IFRD1: variants seen among roughly 807,000 people sequenced by gnomAD.
The protein encoded by IFRD1 is interferon-related developmental regulator 1.
IFRD1 carries 35 observed loss-of-function variants against 52.9 expected under a neutral mutation model. The observed-to-expected ratio is 0.66, with a 90% CI of 0.51 to 0.88. The LOEUF (loss-of-function observed/expected upper bound fraction) is 0.88. Ranked by LOEUF, IFRD1 falls within the 40% of genes least tolerant of loss-of-function variation. The probability of loss-of-function intolerance (pLI) is 0.00; values close to 1 mark genes in which losing one functional copy is unlikely to be tolerated. For synonymous variants in IFRD1, 184 were observed against 188.4 expected, an observed-to-expected ratio of 0.98 and a Z score of 0.19; for missense variants, 517 against 550.8, an observed-to-expected ratio of 0.94 and a Z score of 0.61.
intron 1 of IFRD1, among the ~76,000 whole-genome samples, chr7:112,454,491 C>T (rs1425048818): frequency 6.6e-6 from 1 of 152,024 alleles, no homozygotes; most frequent in Non-Finnish European, 1.5e-5. Flanking sequence ...CCGCACCCGG[C>T]CAGCATTGGT....
Position 112,468,003 on chromosome 7 carries a change from A to C in IFRD1, c.929A>C (p.Glu310Ala). 5 of 1,614,084 alleles carry C rather than the reference A, an allele frequency of 3.1e-6. No individual in the cohort carries two copies. Among genetic ancestry groups the C allele is most frequent in the Non-Finnish European group, 4.2e-6 (5 of 1,179,954 alleles). ...CAGGACTTTTTTTATGAAGACATGG[A>C]GTCCTTGACGCAGATGCTTAGGGCC... is the stretch of plus-strand genomic sequence containing the variant. The part of the protein sequence containing the change: ...IESDFFYEDM[E>A]SLTQMLRALA... Residue 310 changes from glutamate (E) to alanine (A), a missense_variant, in exon 9 of 12, where the codon GAG becomes GCG. Physicochemically the swap from Glu to Ala is moderately radical, Grantham distance 107. Coordinates refer to ENST00000403825, the MANE Select transcript of IFRD1 (RefSeq NM_001550.4).
Position 112,456,995 on chromosome 7 carries a change from G to A in IFRD1, c.366G>A (p.Arg122=), listed in dbSNP as rs2117297364. The A allele has an allele frequency of 1.2e-6, 2 of 1,613,916 alleles. No individual in the cohort carries two copies. The highest frequency in any genetic ancestry group is 2.7e-5 in the African/African-American group (2 of 75,038). The part of the protein sequence containing the change: ...SKMLYEFILE[R]RMTLTDSIER... ...TGCTGTATGAATTTATTCTGGAAAG[G>A]AGAATGACTTTAACTGATAGCATTG... The change falls in exon 4 of 12, where the codon AGG becomes AGA. Residue 122 remains arginine (R), a synonymous_variant. Coordinates refer to ENST00000403825, the MANE Select transcript of IFRD1 (RefSeq NM_001550.4).
At chr7:112,450,962 T>G in intron 1 of IFRD1, 180 bp downstream of exon 1, 1 of 642,334 alleles carries the variant, frequency 1.6e-6, no homozygotes, top group South Asian at 1.8e-5. Flanking sequence ...CCTCGCGCGA[T>G]TTAGATCTGG....
chr7:112,465,008 A>G (rs924684710), intron 8 of IFRD1, among the ~76,000 whole-genome samples: 8 of 152,204 alleles, frequency 5.3e-5, no homozygotes, highest in Admixed American at 4.6e-4. Flanking sequence ...CTTGACAAAG[A>G]TATTCTGCCT....
At chr7:112,446,782 G>A (rs1795040235), upstream of IFRD1, among the ~76,000 whole-genome samples, 1 of 152,186 alleles carries the variant, frequency 6.6e-6, no homozygotes, top group Non-Finnish European at 1.5e-5. Flanking sequence ...GACCAGTGTG[G>A]CTGAAATGCA....
chr7:112,461,370 G>C (rs1795427191), intron 5 of IFRD1: 1 of 152,568 alleles, frequency 6.6e-6, no homozygotes, highest in Non-Finnish European at 1.5e-5. Flanking sequence ...TAGAGGGTAG[G>C]CTTCTTTAGC....
chr7:112,452,140 T>C lies in IFRD1; in HGVS notation c.94+1358T>C, dbSNP rs1031399343. On this transcript the variant is annotated intron_variant, in intron 1 of 11. Coordinates refer to ENST00000403825, the MANE Select transcript of IFRD1 (RefSeq NM_001550.4). ...TTTATTGTGGCCTCTGGTTGCTCTATGTGAATTGAGGATACTTTTTTTTTT... is the reference window on the plus strand; with the variant it reads ...TTTATTGTGGCCTCTGGTTGCTCTACGTGAATTGAGGATACTTTTTTTTTT... 3 of 972,794 alleles carry C rather than the reference T, an allele frequency of 3.1e-6. No individual in the cohort carries two copies. In the African/African-American group the frequency reaches 5.7e-5, roughly 18 times the overall value. The allele number at this position is 972,794 out of a possible 1,614,324, so 60.3% of individuals were successfully genotyped here.
chr7:112,447,377 A>T (rs1324001660), upstream of IFRD1, among the ~76,000 whole-genome samples: 1 of 152,222 alleles, frequency 6.6e-6, no homozygotes, highest in Non-Finnish European at 1.5e-5. Flanking sequence ...TTATTAGAGC[A>T]TGAGAGTATT....
chr7:112,449,173 A>T (rs1388264687), upstream of IFRD1, among the ~76,000 whole-genome samples: 1 of 152,254 alleles, frequency 6.6e-6, no homozygotes, highest in Non-Finnish European at 1.5e-5. Context: ...GAGATCGCTT[A>T]AAATGCCCAG....
intron 1 of IFRD1, among the ~76,000 whole-genome samples, chr7:112,429,760 G>T (rs1384921748): frequency 6.6e-6 from 1 of 152,132 alleles, no homozygotes. Context: ...GATAAGGCAG[G>T]CCTAGCATCT....
At position 112,476,723 on chromosome 7, in the gene IFRD1, T is replaced by C. The variant is rs1468873906; in HGVS notation, c.*1204T>C. 2 of 152,222 alleles carry C rather than the reference T, an allele frequency of 1.3e-5. No individual in the cohort carries two copies. The highest frequency in any genetic ancestry group is 4.8e-5 in the African/African-American group (2 of 41,458). 9.4% of individuals were successfully genotyped at this position (152,222 alleles called of 1,614,324 possible). A position where few individuals can be genotyped will look rare whatever the true frequency, so the allele number is the denominator to read the frequency against. On this transcript the variant is annotated 3_prime_UTR_variant, in exon 12 of 12. Coordinates refer to ENST00000403825, the MANE Select transcript of IFRD1 (RefSeq NM_001550.4). ...TTCTTTCATTTTATGAAAAGCATTT[T>C]GACAACACGTTAACATTTAATAAAC... is the stretch of plus-strand genomic sequence containing the variant.
At chr7:112,444,670 G>C (rs1218071938) in intron 1 of IFRD1, among the ~76,000 whole-genome samples, 1 of 152,170 alleles carries the variant, frequency 6.6e-6, no homozygotes, top group Admixed American at 6.5e-5. Flanking sequence ...GATACTAGGG[G>C]TGAAGAGACT....
At chr7:112,434,987 C>T (rs571080340) in intron 1 of IFRD1, among the ~76,000 whole-genome samples, 26 of 152,262 alleles carry the variant, frequency 1.7e-4, no homozygotes, top group African/African-American at 6.3e-4. Context: ...TTTTTGATCA[C>T]CCTATATCAT....
At chr7:112,430,872 C>A (rs1794531989) in intron 1 of IFRD1, among the ~76,000 whole-genome samples, 2 of 152,186 alleles carry the variant, frequency 1.3e-5, no homozygotes, top group South Asian at 4.1e-4. Flanking sequence ...ATTCTCCCAG[C>A]ATCATGTTTC....
At chr7:112,472,644 A>G (rs947074043) in intron 10 of IFRD1, 122 bp from the exon 11 acceptor site, 2 of 776,402 alleles carry the variant, frequency 2.6e-6, no homozygotes, top group Non-Finnish European at 2.3e-6. Context: ...GAAACAGAAA[A>G]TAAGTGATCT....
intron 1 of IFRD1, among the ~76,000 whole-genome samples, chr7:112,442,967 T>G (rs1794929605): frequency 6.6e-6 from 1 of 152,260 alleles, no homozygotes; most frequent in African/African-American, 2.4e-5. Context: ...TACTATGTGC[T>G]GAGTACTGAG....
rs769450361 is a variant in IFRD1, at chr7:112,456,092, C to T, written c.284+6C>T. 1.5e-5 allele frequency: 23 copies of T among 1,524,598 alleles called. No homozygotes were observed. The highest frequency in any genetic ancestry group is 2.1e-5 in the Non-Finnish European group (23 of 1,098,682). 94.4% of individuals were successfully genotyped at this position (1,524,598 alleles called of 1,614,324 possible). A position where few individuals can be genotyped will look rare whatever the true frequency, so the allele number is the denominator to read the frequency against. On this transcript the variant is annotated splice_donor_region_variant and intron_variant, in intron 3 of 11. Coordinates refer to ENST00000403825, the MANE Select transcript of IFRD1 (RefSeq NM_001550.4). ...GACCTAACCCTGGATAAGAGGTAGG[C>T]AATACTGGAAACTCCATTCTGTGTG...
intron 1 of IFRD1, among the ~76,000 whole-genome samples, chr7:112,433,976 C>A (rs528711880): frequency 2.1e-4 from 31 of 148,260 alleles, no homozygotes; most frequent in Non-Finnish European, 3.9e-4. Flanking sequence ...TGAGCCACCA[C>A]GCCCAGCTAA....
chr7:112,439,243 A>C lies in IFRD1; in HGVS notation c.-181-11265A>C, dbSNP rs1794803369. On this transcript the variant is annotated intron_variant, in intron 1 of 12. Coordinates refer to the IFRD1 transcript ENST00000005558. ...TGTTCGTACATTGTATGTACAAAAC[A>C]GCAGGTGACAAGAGTGAGGATTTCA... Among the ~76,000 whole-genome samples the C allele has an allele frequency of 2.0e-5, 3 of 152,368 alleles. No individual in the cohort carries two copies. The East Asian group carries it at 5.8e-4, about 29-fold the overall frequency.
Sources: allele counts gnomAD v4.1 joint callset (sites outside exome capture counted in the v4.1 genomes callset), GRCh38; gene constraint gnomAD v4.1.1; transcripts MANE v1.5; gene names NCBI Gene and HGNC (gene_info 2026-07-23, HGNC 2026-07-21).